The following SLC49A4 variants were observed in gnomAD, a reference collection of about 807,000 sequenced individuals.
SLC49A4 encodes the protein disrupted in renal cancer protein 2.
SLC49A4 carries 36 observed loss-of-function variants against 50.6 expected under a neutral mutation model. The observed-to-expected ratio is 0.71, with a 90% CI of 0.55 to 0.94. SLC49A4 has a LOEUF of 0.94. SLC49A4 is among the 40% of genes least tolerant of loss of function. The probability of loss-of-function intolerance (pLI) is 0.00; values close to 1 mark genes in which losing one functional copy is unlikely to be tolerated. For missense variants in SLC49A4, 503 were observed against 605.7 expected (o/e 0.83, Z 1.78); for synonymous variants, 248 against 241.2 (o/e 1.03, Z -0.26).
intron 7 of SLC49A4, among the ~76,000 whole-genome samples, chr3:122,867,049 G>A (rs1053293986): frequency 6.6e-6 from 1 of 152,222 alleles, no homozygotes; most frequent in Non-Finnish European, 1.5e-5. Context: ...TAACATAGCA[G>A]CCTCCACGTA....
rs370525701 is a variant in SLC49A4, at chr3:122,797,797, A to T, written c.343+2262A>T. Among the ~76,000 whole-genome samples, 13 of 152,270 alleles carry T rather than the reference A, an allele frequency of 8.5e-5. 2 individuals carry two copies. The highest frequency in any genetic ancestry group is 1.9e-4 in the East Asian group (1 of 5,178). Reference sequence around the variant, plus strand: ...GGAGTTAGAGACCAGCCTGGGCAACATGGTGAAACTCCAAATCTACAAAAA... The same window carrying T: ...GGAGTTAGAGACCAGCCTGGGCAACTTGGTGAAACTCCAAATCTACAAAAA... On this transcript the variant is annotated intron_variant, in intron 1 of 8. Transcript: ENST00000261038.
At position 122,827,445 on chromosome 3, in the gene SLC49A4, G is replaced by A. The variant is rs543782501; in HGVS notation, c.703+380G>A. The stretch of plus-strand genomic sequence containing the variant: ...CTATCTGTTGGTAGGTGTTAAGCCC[G>A]TTTTCTCCCTTGTAGTTTCTCCATT... On this transcript the variant is annotated intron_variant, in intron 3 of 8. Coordinates refer to ENST00000261038, the MANE Select transcript of SLC49A4 (RefSeq NM_032839.3). 1.4e-4 allele frequency among the ~76,000 whole-genome samples: 22 copies of A among 152,252 alleles called. No homozygotes were observed. In the South Asian group the frequency reaches 3.5e-3, roughly 24 times the overall value.
rs544212237 is a variant in SLC49A4 at position 122,824,281 on chromosome 3, A to T, written c.438-2519A>T. ...AAGTTCAAGGACCTTTAAACCAAGA[A>T]CCCATCTGAAGTGTCCCTGGTGCTA... is the stretch of plus-strand genomic sequence containing the variant. On this transcript the variant is annotated intron_variant, in intron 2 of 8. Transcript: ENST00000261038. Among the ~76,000 whole-genome samples the T allele has an allele frequency of 6.1e-4, 93 of 152,300 alleles. 1 individual carries two copies. The highest frequency in any genetic ancestry group is 7.8e-4 in the Admixed American group (12 of 15,308).
intron 5 of SLC49A4, among the ~76,000 whole-genome samples, chr3:122,853,014 T>C (rs765715147): frequency 1.3e-5 from 2 of 152,198 alleles, no homozygotes; most frequent in Non-Finnish European, 2.9e-5. Flanking sequence ...AGTGTACGTG[T>C]CTTAGTCTGT....
chr3:122,842,253 G>A (rs1306047068), intron 4 of SLC49A4, among the ~76,000 whole-genome samples: 1 of 151,942 alleles, frequency 6.6e-6, no homozygotes, highest in Non-Finnish European at 1.5e-5. Context: ...TTGGGAGGCC[G>A]AGGCGGGCGG....
At chr3:122,811,735 A>C (rs1047739384) in intron 2 of SLC49A4, among the ~76,000 whole-genome samples, 1 of 152,222 alleles carries the variant, frequency 6.6e-6, no homozygotes, top group African/African-American at 2.4e-5. Flanking sequence ...AAAAGGAAGT[A>C]AAAGTCCTAT....
chr3:122,840,757 C>T (rs1228931519), intron 4 of SLC49A4, among the ~76,000 whole-genome samples: 4 of 151,940 alleles, frequency 2.6e-5, no homozygotes, highest in South Asian at 4.1e-4. Context: ...CTAAATTTAC[C>T]GTTGAAAAAG....
intron 1 of SLC49A4, among the ~76,000 whole-genome samples, chr3:122,796,480 C>T (rs1302298143): frequency 6.6e-6 from 1 of 152,194 alleles, no homozygotes; most frequent in Non-Finnish European, 1.5e-5. Context: ...AAATTTATTT[C>T]TCACAGTTCT....
intron 2 of SLC49A4, among the ~76,000 whole-genome samples, chr3:122,823,376 A>G: frequency 6.6e-6 from 1 of 152,256 alleles, no homozygotes; most frequent in East Asian, 1.9e-4. Flanking sequence ...AGAAGAGAAG[A>G]AGGACATGCA....
chr3:122,832,118 A>G (rs928690441), intron 3 of SLC49A4, among the ~76,000 whole-genome samples: 2 of 152,208 alleles, frequency 1.3e-5, no homozygotes, highest in African/African-American at 4.8e-5. Context: ...ATATAGCCCT[A>G]GAATTAAAAT....
chr3:122,828,637 G>A (rs537651560), intron 3 of SLC49A4, among the ~76,000 whole-genome samples: 1 of 152,180 alleles, frequency 6.6e-6, no homozygotes, highest in Admixed American at 6.5e-5. Context: ...CTGAAGAACT[G>A]TATGTCAGAG....
At chr3:122,854,067 A>G (rs1936956107) in intron 5 of SLC49A4, among the ~76,000 whole-genome samples, 1 of 152,256 alleles carries the variant, frequency 6.6e-6, no homozygotes. Context: ...AACCTAGAGC[A>G]TGACCCCACT....
chr3:122,869,654 G>A (rs1167249883), intron 7 of SLC49A4, among the ~76,000 whole-genome samples: 1 of 152,186 alleles, frequency 6.6e-6, no homozygotes, highest in Non-Finnish European at 1.5e-5. Context: ...CTCACCAGAA[G>A]ATGAGCTATT....
At chr3:122,810,677 A>C (rs745831172) in intron 2 of SLC49A4, among the ~76,000 whole-genome samples, 3 of 152,214 alleles carry the variant, frequency 2.0e-5, no homozygotes, top group Non-Finnish European at 4.4e-5. Context: ...TTATCTTTTC[A>C]GTTCGGTGTA....
intron 2 of SLC49A4, among the ~76,000 whole-genome samples, chr3:122,815,700 A>G (rs552825731): frequency 1.2e-4 from 19 of 152,284 alleles, no homozygotes; most frequent in African/African-American, 3.4e-4. Flanking sequence ...TCTGGGCTCT[A>G]TCAGATCTTT....
chr3:122,797,488 A>G (rs1418162814), intron 1 of SLC49A4, among the ~76,000 whole-genome samples: 1 of 152,236 alleles, frequency 6.6e-6, no homozygotes, highest in African/African-American at 2.4e-5. Context: ...AAAGAAATGT[A>G]ACTCAAAGCA....
At chr3:122,827,216 T>C (rs1467104781) in intron 3 of SLC49A4, 151 bp downstream of exon 3, 2 of 859,456 alleles carry the variant, frequency 2.3e-6, no homozygotes, top group African/African-American at 3.4e-5. Context: ...TGTCATATGA[T>C]ATAGAGATGC....
chr3:122,859,133 A>G (rs963618673), intron 6 of SLC49A4, among the ~76,000 whole-genome samples: 1 of 152,220 alleles, frequency 6.6e-6, no homozygotes, highest in Non-Finnish European at 1.5e-5. Flanking sequence ...ATGGGGAAAG[A>G]CTTCTTCACT....
Position 122,826,897 on chromosome 3 carries a change from A to G in SLC49A4, c.535A>G (p.Arg179Gly). The G allele has an allele frequency of 2.5e-6, 4 of 1,614,222 alleles. No individual in the cohort carries two copies. The South Asian group carries it at 3.3e-5, about 13-fold the overall frequency. The change falls in exon 3 of 9, where the codon AGG becomes GGG. Residue 179 changes from arginine (R) to glycine (G), a missense_variant. Arg to Gly is a moderately radical substitution (Grantham distance 125, BLOSUM62 -2). Coordinates refer to ENST00000261038, the MANE Select transcript of SLC49A4 (RefSeq NM_032839.3). ...LSTTWFSADE[R>G]ATATAIASML... ...TACGACGTGGTTTTCTGCAGATGAA[A>G]GGGCCACAGCCACAGCTATTGCATC... is the stretch of plus-strand genomic sequence containing the variant.
Sources: gnomAD v4.1 joint callset for allele counts (sites outside exome capture counted in the v4.1 genomes callset) on GRCh38, gnomAD v4.1.1 for gene constraint, MANE v1.5 for transcripts, NCBI Gene and HGNC (gene_info 2026-07-23, HGNC 2026-07-21) for gene names.